Variants in TMEM108 observed in about 807,000 individuals in gnomAD.
TMEM108 encodes the protein transmembrane protein 108, also known as cancer/testis antigen 124.
TMEM108 carries 12 observed loss-of-function variants against 35.1 expected under a neutral mutation model. The observed-to-expected ratio is 0.34, with a 90% CI of 0.22 to 0.55. The LOEUF (loss-of-function observed/expected upper bound fraction) is 0.55. TMEM108 is among the 20% of genes least tolerant of loss of function. The pLI is 0.89. For synonymous variants in TMEM108, 287 were observed against 308.6 expected, an observed-to-expected ratio of 0.93 and a Z score of 0.73; for missense variants, 680 against 753.3, an observed-to-expected ratio of 0.90 and a Z score of 1.14.
intron 3 of TMEM108, among the ~76,000 whole-genome samples, chr3:133,375,910 G>T (rs559735445): frequency 4.6e-5 from 7 of 152,300 alleles, no homozygotes; most frequent in African/African-American, 1.7e-4. Context: ...CCCTCTCACT[G>T]TAACATGTAA....
At chr3:133,300,107 T>C (rs1195162268) in intron 3 of TMEM108, among the ~76,000 whole-genome samples, 2 of 152,144 alleles carry the variant, frequency 1.3e-5, no homozygotes, top group Admixed American at 1.3e-4. Flanking sequence ...CATAGCTCAC[T>C]GTATCATTTA....
At chr3:133,370,920 G>GTGTGTGCC (rs1448951924) in intron 3 of TMEM108, among the ~76,000 whole-genome samples, 1 of 143,736 alleles carries the variant, frequency 7.0e-6, no homozygotes, top group Admixed American at 6.9e-5. Flanking sequence ...GTGTGTGTGT[G>GTGTGTGCC]TGCCAGGAAG....
chr3:133,245,121 C>T (rs369663710), intron 3 of TMEM108, among the ~76,000 whole-genome samples: 11 of 152,236 alleles, frequency 7.2e-5, no homozygotes, highest in African/African-American at 1.4e-4. Context: ...AAGTCTATGC[C>T]GTCAGACCTG....
rs193158776 is a variant in TMEM108 at position 133,068,524 on chromosome 3, A to G, written c.-47+22504A>G. Among the ~76,000 whole-genome samples the G allele has an allele frequency of 1.6e-4, 25 of 152,286 alleles. 1 individual carries two copies. The highest frequency in any genetic ancestry group is 6.0e-4 in the African/African-American group (25 of 41,562). On this transcript the variant is annotated intron_variant, in intron 2 of 5. Transcript: ENST00000321871. ...CTTATACCACCTCCTAGTCAGGGTA[A>G]GGAGTATAGATTTATACTTAAGGGC... is the stretch of plus-strand genomic sequence containing the variant.
chr3:133,079,672 G>T (rs1943785895), intron 2 of TMEM108, among the ~76,000 whole-genome samples: 1 of 152,144 alleles, frequency 6.6e-6, no homozygotes, highest in Non-Finnish European at 1.5e-5. Context: ...TTCAGCATGT[G>T]AATTTTGGGA....
At chr3:133,175,071 T>TGATCGC (rs1945196395) in intron 2 of TMEM108, among the ~76,000 whole-genome samples, 1 of 152,134 alleles carries the variant, frequency 6.6e-6, no homozygotes, top group African/African-American at 2.4e-5. Flanking sequence ...GAAGAAAGGG[T>TGATCGC]ATCAGTGATT....
chr3:133,081,097 G>T (rs11922697), intron 2 of TMEM108, among the ~76,000 whole-genome samples: 20 of 152,218 alleles, frequency 1.3e-4, no homozygotes, highest in Admixed American at 5.9e-4. Flanking sequence ...GCACAGTGTC[G>T]TCACTTCTCA....
chr3:133,162,160 T>A (rs914207052), intron 2 of TMEM108, among the ~76,000 whole-genome samples: 2 of 152,138 alleles, frequency 1.3e-5, no homozygotes, highest in African/African-American at 4.8e-5. Context: ...TTTTTTTTTT[T>A]TCATATATAC....
chr3:133,127,986 AC>A (rs1243763001), intron 2 of TMEM108, among the ~76,000 whole-genome samples: 1 of 152,130 alleles, frequency 6.6e-6, no homozygotes, highest in Non-Finnish European at 1.5e-5. Context: ...GAATATAATC[AC>A]TCTGTGGTGA....
At chr3:133,392,606 C>G (rs530533813) in intron 5 of TMEM108, among the ~76,000 whole-genome samples, 1 of 152,258 alleles carries the variant, frequency 6.6e-6, no homozygotes, top group East Asian at 1.9e-4. Flanking sequence ...TAATAGGCAC[C>G]TCAAACTCAA....
intron 3 of TMEM108, among the ~76,000 whole-genome samples, chr3:133,374,540 TG>T (rs2072774406): frequency 8.3e-6 from 1 of 120,552 alleles, no homozygotes; most frequent in Admixed American, 9.4e-5. Flanking sequence ...ATATAATTTT[TG>T]TTATATATAT....
chr3:133,379,572 A>G, intron 3 of TMEM108, 180 bp from the exon 4 acceptor site: 1 of 647,728 alleles, frequency 1.5e-6, no homozygotes, highest in East Asian at 2.5e-5. Flanking sequence ...GCACCTACCT[A>G]ATAGACCTGC....
intron 3 of TMEM108, among the ~76,000 whole-genome samples, chr3:133,281,251 T>G (rs572631283): frequency 6.6e-6 from 1 of 152,126 alleles, no homozygotes; most frequent in Non-Finnish European, 1.5e-5. Context: ...TTAAATATAG[T>G]CAGATCAAAG....
Position 133,215,457 on chromosome 3 carries a change from T to C in TMEM108, c.-46-13809T>C, listed in dbSNP as rs541831307. On this transcript the variant is annotated intron_variant, in intron 2 of 5. Transcript: ENST00000321871. The stretch of plus-strand genomic sequence containing the variant: ...CAAGAAAGATGGAGCATCACCTTGT[T>C]CATCTTAAGCTGGGAATGTATGCGT... Among the ~76,000 whole-genome samples, 5 of 152,190 alleles carry C rather than the reference T, an allele frequency of 3.3e-5. No homozygotes were observed. The South Asian group carries it at 1.0e-3, about 32-fold the overall frequency.
chr3:133,350,903 C>T (rs2071976169), intron 3 of TMEM108, among the ~76,000 whole-genome samples: 1 of 152,146 alleles, frequency 6.6e-6, no homozygotes, highest in Non-Finnish European at 1.5e-5. Flanking sequence ...ACCAGAGCCA[C>T]ACCCTCCAGG....
chr3:133,060,803 C>T (rs78860693), intron 2 of TMEM108, among the ~76,000 whole-genome samples: 3,350 of 152,120 alleles, frequency 0.022, 130 homozygotes, highest in African/African-American at 0.076. Flanking sequence ...AGCCATGAAA[C>T]GATACATGCA....
intron 3 of TMEM108, among the ~76,000 whole-genome samples, chr3:133,280,159 A>G (rs1223175079): frequency 6.6e-6 from 1 of 152,174 alleles, no homozygotes; most frequent in Non-Finnish European, 1.5e-5. Context: ...GGCAGACGAG[A>G]TGCTGCCTAT....
chr3:133,207,958 T>C (rs1447890989), intron 2 of TMEM108, among the ~76,000 whole-genome samples: 1 of 152,230 alleles, frequency 6.6e-6, no homozygotes, highest in Non-Finnish European at 1.5e-5. Context: ...ATGTTACAAT[T>C]GAAAGGGACC....
At chr3:133,084,588 A>T (rs1352055060) in intron 2 of TMEM108, among the ~76,000 whole-genome samples, 2 of 152,202 alleles carry the variant, frequency 1.3e-5, no homozygotes, top group Non-Finnish European at 2.9e-5. Flanking sequence ...TGGATGGGTG[A>T]TGGAATTAAA....
Sources: gnomAD v4.1 joint callset for allele counts (sites outside exome capture counted in the v4.1 genomes callset) on GRCh38, gnomAD v4.1.1 for gene constraint, MANE v1.5 for transcripts, NCBI Gene and HGNC (gene_info 2026-07-23, HGNC 2026-07-21) for gene names.